The following UTRN variants were observed in gnomAD, a reference collection of about 807,000 sequenced individuals.
UTRN encodes dystrophin-related protein 1.
Under a neutral mutation model 463.9 loss-of-function variants are expected in UTRN, and 283 were observed. That is an observed-to-expected ratio of 0.61 (90% confidence interval 0.55 to 0.67). The LOEUF is 0.67. Among genes scored for constraint, UTRN ranks in the 30% least tolerant of loss-of-function variants. UTRN has a pLI of 0.00. For synonymous variants in UTRN, 1,442 were observed against 1,431.5 expected, an observed-to-expected ratio of 1.01 and a Z score of -0.17; for missense variants, 3,922 against 4,084.3, an observed-to-expected ratio of 0.96 and a Z score of 1.08.
rs754743136 is a variant in UTRN, at chr6:144,482,417, A to G, written c.3687+29A>G. 30 of 1,092,470 alleles carry G rather than the reference A, an allele frequency of 2.7e-5. No individual in the cohort carries two copies. The East Asian group carries it at 9.5e-4, about 35-fold the overall frequency. The allele number at this position is 1,092,470 out of a possible 1,614,324, so 67.7% of individuals were successfully genotyped here. ...TGCTATTATTATTATTGTTGTTATTATTATTATTATTATTATTATTATTAT... is the reference window on the plus strand; with the variant it reads ...TGCTATTATTATTATTGTTGTTATTGTTATTATTATTATTATTATTATTAT... On this transcript the variant is annotated intron_variant, in intron 27 of 74. Transcript: ENST00000367545.
At chr6:144,834,139 C>G (rs752934427) in intron 69 of UTRN, among the ~76,000 whole-genome samples, 9 of 152,160 alleles carry the variant, frequency 5.9e-5, no homozygotes, top group Non-Finnish European at 1.0e-4. Context: ...ACTGGTGTTC[C>G]TTATTTCCAG....
chr6:144,766,719 T>C (rs1171452243), intron 58 of UTRN, among the ~76,000 whole-genome samples: 1 of 151,956 alleles, frequency 6.6e-6, no homozygotes, highest in Non-Finnish European at 1.5e-5. Context: ...CAGTACTCAT[T>C]GGTGAATTTT....
At chr6:144,379,813 G>C (rs1780753448) in intron 2 of UTRN, among the ~76,000 whole-genome samples, 1 of 152,236 alleles carries the variant, frequency 6.6e-6, no homozygotes, top group South Asian at 2.1e-4. Flanking sequence ...TTTGCACATA[G>C]ATGCTGTGGA....
intron 65 of UTRN, 33 bp downstream of exon 65, chr6:144,803,180 C>T (rs1164622832): frequency 1.4e-5 from 18 of 1,297,034 alleles, no homozygotes; most frequent in Non-Finnish European, 1.8e-5. Context: ...GTTTTTAATA[C>T]ATTGCCATTG....
intron 58 of UTRN, among the ~76,000 whole-genome samples, chr6:144,766,307 G>T (rs6922804): frequency 0.17 from 26,436 of 152,042 alleles, 2,900 homozygotes; most frequent in Admixed American, 0.35. Flanking sequence ...AATAAATGTT[G>T]TCATATCAGA....
chr6:144,470,713 C>T (rs1050505866), intron 23 of UTRN, among the ~76,000 whole-genome samples: 2 of 152,010 alleles, frequency 1.3e-5, no homozygotes, highest in African/African-American at 4.8e-5. Context: ...CGAGATCACG[C>T]CACTGCACTC....
chr6:144,326,502 G>T (rs977172018), intron 2 of UTRN, among the ~76,000 whole-genome samples: 2 of 152,056 alleles, frequency 1.3e-5, no homozygotes, highest in African/African-American at 4.8e-5. Flanking sequence ...CTGATGTGAC[G>T]GCCATGTATT....
At chr6:144,341,796 G>T (rs907411801) in intron 2 of UTRN, among the ~76,000 whole-genome samples, 1 of 152,222 alleles carries the variant, frequency 6.6e-6, no homozygotes, top group Non-Finnish European at 1.5e-5. Context: ...GAACCCTTTG[G>T]TAGAGGAAGC....
At chr6:144,638,889 A>G (rs1282631919) in intron 51 of UTRN, among the ~76,000 whole-genome samples, 1 of 151,930 alleles carries the variant, frequency 6.6e-6, no homozygotes, top group Non-Finnish European at 1.5e-5. Context: ...CATGAGCAAC[A>G]TAACGAGACC....
At chr6:144,754,874 G>A (rs938949485) in intron 57 of UTRN, 76 bp downstream of exon 57, 50 of 1,384,564 alleles carry the variant, frequency 3.6e-5, no homozygotes, top group Middle Eastern at 1.9e-4. Context: ...TGAAGAAGCC[G>A]TATTCCTTGC....
chr6:144,351,433 G>C (rs999993996), intron 2 of UTRN, among the ~76,000 whole-genome samples: 1 of 152,110 alleles, frequency 6.6e-6, no homozygotes, highest in South Asian at 2.1e-4. Flanking sequence ...ATTCTATGTT[G>C]GGTTCATTTA....
intron 2 of UTRN, among the ~76,000 whole-genome samples, chr6:144,305,826 C>T (rs1214941016): frequency 2.0e-5 from 3 of 152,204 alleles, no homozygotes; most frequent in South Asian, 2.1e-4. Flanking sequence ...AGTTCCTGGA[C>T]GGATGCTCAG....
At chr6:144,699,450 A>AG (rs762758668) in intron 52 of UTRN, among the ~76,000 whole-genome samples, 1 of 136,552 alleles carries the variant, frequency 7.3e-6, no homozygotes, top group Non-Finnish European at 1.5e-5. Context: ...AAAAAAAAAA[A>AG]TAATAATAAT....
chr6:144,537,513 G>A (rs1407764791), intron 43 of UTRN, 69 bp from the exon 44 acceptor site: 3 of 1,186,394 alleles, frequency 2.5e-6, no homozygotes, highest in Non-Finnish European at 2.2e-6. Flanking sequence ...GATATTCAAA[G>A]CAAATATGTA....
At chr6:144,363,650 G>A (rs1779261199) in intron 2 of UTRN, among the ~76,000 whole-genome samples, 1 of 152,136 alleles carries the variant, frequency 6.6e-6, no homozygotes, top group Admixed American at 6.5e-5. Context: ...GATCATATAG[G>A]CGTGTATATA....
intron 2 of UTRN, among the ~76,000 whole-genome samples, chr6:144,356,370 A>T (rs1256204748): frequency 6.6e-6 from 1 of 152,134 alleles, no homozygotes; most frequent in East Asian, 1.9e-4. Context: ...AATGTCCTAA[A>T]AATGTCTCCA....
chr6:144,359,551 A>G (rs1778855910), intron 2 of UTRN, among the ~76,000 whole-genome samples: 1 of 152,198 alleles, frequency 6.6e-6, no homozygotes, highest in Non-Finnish European at 1.5e-5. Context: ...ATCAGTTTAT[A>G]CAAATATGCC....
chr6:144,293,955 CA>C lies in UTRN; in HGVS notation c.79+2050del, dbSNP rs1804467516. Among the ~76,000 whole-genome samples, 5 of 151,316 alleles carry C rather than the reference CA, an allele frequency of 3.3e-5. No individual in the cohort carries two copies. In the South Asian group the frequency reaches 1.0e-3, roughly 31 times the overall value. On this transcript the variant is annotated intron_variant, in intron 2 of 74. Transcript: ENST00000367545. ...ATGTGTTCTTGATATAGTAAGTAAA[CA>C]AGTATGTATTATATGAAGTCATTTA...
intron 52 of UTRN, among the ~76,000 whole-genome samples, chr6:144,693,441 G>A (rs1418977263): frequency 6.6e-6 from 1 of 152,162 alleles, no homozygotes; most frequent in Non-Finnish European, 1.5e-5. Flanking sequence ...ATTATTGGTA[G>A]TTTAATAGGA....
Sources: allele counts gnomAD v4.1 joint callset (sites outside exome capture counted in the v4.1 genomes callset), GRCh38; gene constraint gnomAD v4.1.1; transcripts MANE v1.5; gene names NCBI Gene and HGNC (gene_info 2026-07-23, HGNC 2026-07-21).